RAB3C: variants seen among roughly 807,000 people sequenced by gnomAD.
RAB3C encodes the protein ras-related protein Rab-3C.
In RAB3C, 17 loss-of-function variants were observed where a neutral mutation model predicts 26.4. The ratio of observed to expected loss-of-function variants is 0.64; its 90% CI spans 0.44 to 0.97. The LOEUF (loss-of-function observed/expected upper bound fraction) is 0.97. Ranked by LOEUF, RAB3C falls within the 50% of genes least tolerant of loss-of-function variation. RAB3C has a pLI of 0.00. For missense variants in RAB3C, 242 were observed against 281.9 expected, an observed-to-expected ratio of 0.86 and a Z score of 1.01; for synonymous variants, 91 against 95.9, an observed-to-expected ratio of 0.95 and a Z score of 0.30.
chr5:58,672,660 G>A (rs1403345471), intron 2 of RAB3C, among the ~76,000 whole-genome samples: 1 of 152,120 alleles, frequency 6.6e-6, no homozygotes, highest in African/African-American at 2.4e-5. Flanking sequence ...AATAAAAGTT[G>A]TATATATTCA....
intron 2 of RAB3C, among the ~76,000 whole-genome samples, chr5:58,688,486 A>G (rs1194968960): frequency 2.6e-5 from 4 of 152,118 alleles, no homozygotes; most frequent in African/African-American, 9.7e-5. Flanking sequence ...GGCATAGTCT[A>G]TCCCACTTTT....
rs368399983 is a variant in RAB3C at position 58,723,877 on chromosome 5, A to G, written c.253-2125A>G. 5.7e-4 allele frequency among the ~76,000 whole-genome samples: 86 copies of G among 151,958 alleles called. 2 individuals carry two copies. In the South Asian group the frequency reaches 0.017, roughly 31 times the overall value. On this transcript the variant is annotated intron_variant, in intron 2 of 4. Coordinates refer to ENST00000282878, the MANE Select transcript of RAB3C (RefSeq NM_138453.4). The stretch of plus-strand genomic sequence containing the variant: ...CCAAACTGCTAAGCATCTAAAGAGT[A>G]CTAGGAAAGAGAAGTTAGATGCCAA...
At chr5:58,610,152 C>A (rs1315059288) in intron 1 of RAB3C, among the ~76,000 whole-genome samples, 8 of 149,626 alleles carry the variant, frequency 5.3e-5, no homozygotes, top group Admixed American at 3.3e-4. Flanking sequence ...AAAAATTTAG[C>A]CTTTACTTTG....
chr5:58,751,920 G>A (rs756113107), intron 3 of RAB3C, among the ~76,000 whole-genome samples: 1 of 152,118 alleles, frequency 6.6e-6, no homozygotes, highest in African/African-American at 2.4e-5. Context: ...AAAAGCAAGG[G>A]CAGAGTTCAG....
In RAB3C at chr5:58,854,810, C is replaced by G. The variant is rs1234338902; in HGVS notation, c.*3459C>G. The stretch of plus-strand genomic sequence containing the variant: ...AAACAAAATCTACAAAGTTACAACC[C>G]AAATTATACAAGACATCAAAACACT... On this transcript the variant is annotated 3_prime_UTR_variant, in exon 5 of 5. Coordinates refer to ENST00000282878, the MANE Select transcript of RAB3C (RefSeq NM_138453.4). The G allele has an allele frequency of 4.0e-5, 6 of 149,784 alleles. No individual in the cohort carries two copies. Among genetic ancestry groups the G allele is most frequent in the Non-Finnish European group, 4.4e-5 (3 of 67,554 alleles). The allele number at this position is 149,784 out of a possible 1,614,324, so 9.3% of individuals were successfully genotyped here.
intron 2 of RAB3C, among the ~76,000 whole-genome samples, chr5:58,707,927 A>G (rs948212390): frequency 6.6e-5 from 10 of 151,724 alleles, no homozygotes; most frequent in African/African-American, 2.4e-4. Context: ...CCGCCTGGGC[A>G]TGTTCTACAG....
At chr5:58,653,938 T>C (rs1747710136) in intron 2 of RAB3C, among the ~76,000 whole-genome samples, 1 of 152,234 alleles carries the variant, frequency 6.6e-6, no homozygotes, top group African/African-American at 2.4e-5. Context: ...ATTATTCATA[T>C]CATACCAGCA....
chr5:58,620,211 C>T (rs1746907308), intron 2 of RAB3C, among the ~76,000 whole-genome samples: 1 of 152,284 alleles, frequency 6.6e-6, no homozygotes, highest in South Asian at 2.1e-4. Context: ...CACTTTCCCC[C>T]ATCGTCAGTC....
At chr5:58,803,055 C>T (rs1350022368) in intron 3 of RAB3C, among the ~76,000 whole-genome samples, 1 of 152,198 alleles carries the variant, frequency 6.6e-6, no homozygotes, top group Non-Finnish European at 1.5e-5. Context: ...TGCTCTCATT[C>T]CATTGACCAG....
intron 2 of RAB3C, among the ~76,000 whole-genome samples, chr5:58,712,600 C>T (rs765026520): frequency 2.6e-5 from 4 of 152,310 alleles, no homozygotes; most frequent in Admixed American, 6.5e-5. Flanking sequence ...TCTTGGCTCA[C>T]TTCAACCTCT....
chr5:58,751,261 C>T (rs957838795), intron 3 of RAB3C, among the ~76,000 whole-genome samples: 1 of 152,216 alleles, frequency 6.6e-6, no homozygotes, highest in African/African-American at 2.4e-5. Context: ...GCAGTTGAGA[C>T]AGAAATCCAA....
At chr5:58,655,932 G>A (rs1747761855) in intron 2 of RAB3C, among the ~76,000 whole-genome samples, 1 of 151,874 alleles carries the variant, frequency 6.6e-6, no homozygotes. Context: ...GAGTAGCTGG[G>A]ACTACAGGCG....
upstream of RAB3C, chr5:58,583,018 G>A (rs1745933178): frequency 7.0e-7 from 1 of 1,421,304 alleles, no homozygotes; most frequent in Non-Finnish European, 9.2e-7. Flanking sequence ...ACAGCTCCCA[G>A]GAGTGCACGG....
Position 58,593,979 on chromosome 5 carries a change from AT to A in RAB3C, c.24+10748del, listed in dbSNP as rs1746190978. 2.6e-5 allele frequency among the ~76,000 whole-genome samples: 4 copies of A among 152,146 alleles called. 1 individual carries two copies. In the South Asian group the frequency reaches 8.3e-4, roughly 32 times the overall value. On this transcript the variant is annotated intron_variant, in intron 1 of 4. Transcript: ENST00000282878. ...GCCTCCTATCTGCGAAAAACATGGA[AT>A]CATAGCCACTTAGCTCCTACAGTCT...
At chr5:58,791,660 A>G (rs953927870) in intron 3 of RAB3C, among the ~76,000 whole-genome samples, 1 of 152,234 alleles carries the variant, frequency 6.6e-6, no homozygotes, top group Non-Finnish European at 1.5e-5. Flanking sequence ...TTAAATAAAA[A>G]TGTTTTGATT....
At chr5:58,785,351 A>G (rs1742354940) in intron 3 of RAB3C, among the ~76,000 whole-genome samples, 1 of 152,232 alleles carries the variant, frequency 6.6e-6, no homozygotes, top group East Asian at 1.9e-4. Context: ...TGTGCAGGAC[A>G]GATTGGCAAC....
At chr5:58,655,143 A>G (rs1383734361) in intron 2 of RAB3C, among the ~76,000 whole-genome samples, 2 of 152,326 alleles carry the variant, frequency 1.3e-5, no homozygotes, top group Admixed American at 1.3e-4. Context: ...CAGATCAGCA[A>G]GAAGAACAAA....
chr5:58,639,968 C>T (rs1328974759), intron 2 of RAB3C, among the ~76,000 whole-genome samples: 1 of 152,176 alleles, frequency 6.6e-6, no homozygotes, highest in Admixed American at 6.5e-5. Flanking sequence ...CATTCTCTTT[C>T]TTTATCCACA....
intron 2 of RAB3C, among the ~76,000 whole-genome samples, chr5:58,704,225 T>TA (rs574332683): frequency 2.0e-5 from 3 of 152,194 alleles, no homozygotes; most frequent in African/African-American, 7.2e-5. Context: ...AATTTCTTTA[T>TA]AAAAACGCAT....
Sources: allele counts gnomAD v4.1 joint callset (sites outside exome capture counted in the v4.1 genomes callset), GRCh38; gene constraint gnomAD v4.1.1; transcripts MANE v1.5; gene names NCBI Gene and HGNC (gene_info 2026-07-23, HGNC 2026-07-21).